STXBP4: variants seen among roughly 807,000 people sequenced by gnomAD.
STXBP4 encodes syntaxin-binding protein 4.
Under a neutral mutation model 76.1 loss-of-function variants are expected in STXBP4, and 55 were observed. The ratio of observed to expected loss-of-function variants is 0.72; its 90% CI spans 0.58 to 0.91. The LOEUF (loss-of-function observed/expected upper bound fraction) is 0.91. Among genes scored for constraint, STXBP4 ranks in the 40% least tolerant of loss-of-function variants. The pLI, the probability that STXBP4 is intolerant of heterozygous loss-of-function variation, is 0.00. For synonymous variants in STXBP4, 201 were observed against 220.2 expected (o/e 0.91, Z 0.77); for missense variants, 618 against 636.9 (o/e 0.97, Z 0.32).
intron 8 of STXBP4, among the ~76,000 whole-genome samples, chr17:55,027,737 A>G (rs766374664): frequency 8.5e-5 from 13 of 152,302 alleles, no homozygotes; most frequent in Admixed American, 2.6e-4. Context: ...TGATAAAACC[A>G]TTTTAAAATA....
chr17:55,054,306 G>C (rs767203666), intron 12 of STXBP4, among the ~76,000 whole-genome samples: 1 of 152,118 alleles, frequency 6.6e-6, no homozygotes, highest in African/African-American at 2.4e-5. Flanking sequence ...GGCCAACATG[G>C]TGAAACCCCA....
the STXBP4 span, among the ~76,000 whole-genome samples, chr17:55,209,164 G>A: frequency 6.6e-6 from 1 of 152,074 alleles, no homozygotes; most frequent in East Asian, 1.9e-4. Context: ...GCTGAAAGAG[G>A]AGTCTGAAGA....
At chr17:55,018,134 A>C (rs1211145637) in intron 8 of STXBP4, among the ~76,000 whole-genome samples, 1 of 150,982 alleles carries the variant, frequency 6.6e-6, no homozygotes, top group Non-Finnish European at 1.5e-5. Flanking sequence ...CCATGTGGTG[A>C]GTGTTAGAGC....
chr17:55,043,570 C>T (rs1476959166), intron 11 of STXBP4: 1 of 1,502,608 alleles, frequency 6.7e-7, no homozygotes, highest in Admixed American at 2.0e-5. Context: ...CTCATGTCTT[C>T]TGTTGAGGTT....
chr17:55,017,542 G>A (rs1272420923), intron 8 of STXBP4, among the ~76,000 whole-genome samples: 1 of 152,222 alleles, frequency 6.6e-6, no homozygotes, highest in East Asian at 1.9e-4. Flanking sequence ...AGTAGATTCA[G>A]AGGTAAGAAG....
Position 55,048,296 on chromosome 17 carries a change from C to G in STXBP4, c.1011+1142C>G, listed in dbSNP as rs117819416. Among the ~76,000 whole-genome samples the G allele has an allele frequency of 5.9e-4, 89 of 151,932 alleles. 1 individual carries two copies. In the East Asian group the frequency reaches 0.016, roughly 27 times the overall value. ...AACACAACTTATTAATCCACCCACC[C>G]TACCCTATGACCATCAAAACAAGAT... On this transcript the variant is annotated intron_variant, in intron 12 of 17. Coordinates refer to ENST00000376352, the MANE Select transcript of STXBP4 (RefSeq NM_178509.6).
chr17:55,026,885 T>C (rs1336079951), intron 8 of STXBP4, among the ~76,000 whole-genome samples: 1 of 152,120 alleles, frequency 6.6e-6, no homozygotes, highest in African/African-American at 2.4e-5. Context: ...GCAGAGGAGC[T>C]TGGGCACCCT....
At chr17:55,210,123 A>C in the STXBP4 span, among the ~76,000 whole-genome samples, 15 of 152,200 alleles carry the variant, frequency 9.9e-5, no homozygotes, top group Non-Finnish European at 1.5e-4. Context: ...ACCACAGATT[A>C]TCTCCCAAGC....
chr17:55,004,527 C>A (rs113489245), intron 7 of STXBP4, among the ~76,000 whole-genome samples: 5,733 of 151,984 alleles, frequency 0.038, 383 homozygotes, highest in African/African-American at 0.13. Flanking sequence ...CATTGTGAGA[C>A]CCTGTCTCTA....
intron 17 of STXBP4, among the ~76,000 whole-genome samples, chr17:55,148,434 G>A (rs1319005140): frequency 3.3e-5 from 5 of 152,262 alleles, no homozygotes; most frequent in African/African-American, 1.2e-4. Context: ...AAATTAGGGA[G>A]ATTGGAAAGG....
chr17:55,123,174 G>A (rs1398530360), intron 16 of STXBP4, among the ~76,000 whole-genome samples: 1 of 152,088 alleles, frequency 6.6e-6, no homozygotes, highest in Non-Finnish European at 1.5e-5. Flanking sequence ...ATAAGTTCTT[G>A]CCAAAGTACT....
At chr17:55,019,158 T>C (rs1455150985) in intron 8 of STXBP4, among the ~76,000 whole-genome samples, 1 of 152,268 alleles carries the variant, frequency 6.6e-6, no homozygotes, top group East Asian at 1.9e-4. Context: ...ATAATATAGT[T>C]TGAAGTATTT....
intron 16 of STXBP4, among the ~76,000 whole-genome samples, chr17:55,108,847 C>G (rs1001652177): frequency 1.3e-5 from 2 of 152,176 alleles, no homozygotes; most frequent in Non-Finnish European, 2.9e-5. Flanking sequence ...AGAGCTGTTC[C>G]TATTCGGCCA....
At chr17:54,972,025 C>T (rs565250089) in intron 1 of STXBP4, among the ~76,000 whole-genome samples, 6 of 152,186 alleles carry the variant, frequency 3.9e-5, no homozygotes, top group African/African-American at 1.4e-4. Context: ...TTTGTGACCC[C>T]TTGACAGGAA....
At chr17:55,131,572 G>A (rs531460932) in intron 16 of STXBP4, among the ~76,000 whole-genome samples, 105 of 152,276 alleles carry the variant, frequency 6.9e-4, no homozygotes, top group African/African-American at 2.4e-3. Context: ...CAGACATGCT[G>A]CTATTACTCT....
intron 4 of STXBP4, among the ~76,000 whole-genome samples, chr17:54,995,816 C>T (rs907345303): frequency 1.3e-5 from 2 of 152,120 alleles, no homozygotes; most frequent in Non-Finnish European, 2.9e-5. Context: ...TATTCCTTTG[C>T]CATTATTATT....
chr17:55,191,607 G>C, the STXBP4 span, among the ~76,000 whole-genome samples: 2 of 152,008 alleles, frequency 1.3e-5, no homozygotes, highest in Non-Finnish European at 2.9e-5. Flanking sequence ...ATCTCTCTTA[G>C]TCTCTTTCTG....
At chr17:55,185,266 T>TCTTCTC in the STXBP4 span, among the ~76,000 whole-genome samples, 1 of 53,062 alleles carries the variant, frequency 1.9e-5, no homozygotes, top group African/African-American at 9.4e-5. Context: ...TCCTTCTCCT[T>TCTTCTC]CTCCTTCTCC....
At chr17:55,070,922 T>C (rs2079111407) in intron 12 of STXBP4, among the ~76,000 whole-genome samples, 1 of 152,212 alleles carries the variant, frequency 6.6e-6, no homozygotes, top group Non-Finnish European at 1.5e-5. Flanking sequence ...GGTTATCTTT[T>C]ACCCCTTTGT....
Sources: allele counts gnomAD v4.1 joint callset (sites outside exome capture counted in the v4.1 genomes callset), GRCh38; gene constraint gnomAD v4.1.1; transcripts MANE v1.5; gene names NCBI Gene and HGNC (gene_info 2026-07-23, HGNC 2026-07-21).